WDFY3: variants seen among roughly 807,000 people sequenced by gnomAD.
The protein encoded by WDFY3 is WD repeat and FYVE domain-containing protein 3.
A neutral mutation model predicts 409.6 loss-of-function variants in WDFY3; 66 were observed. The observed-to-expected ratio is 0.16, with a 90% CI of 0.13 to 0.20. The LOEUF is 0.20. Among genes scored for constraint, WDFY3 ranks in the 10% least tolerant of loss-of-function variants. The probability of loss-of-function intolerance (pLI) is 1.00; values close to 1 mark genes in which losing one functional copy is unlikely to be tolerated. For synonymous variants in WDFY3, 1,521 were observed against 1,537.1 expected, an observed-to-expected ratio of 0.99 and a Z score of 0.25; for missense variants, 3,031 against 4,298.1, an observed-to-expected ratio of 0.71 and a Z score of 8.24.
intron 2 of WDFY3, among the ~76,000 whole-genome samples, chr4:84,914,525 A>T (rs1340326893): frequency 6.6e-6 from 1 of 152,226 alleles, no homozygotes; most frequent in African/African-American, 2.4e-5. Context: ...GGGCACTGGC[A>T]TCCCTAAGCC....
At chr4:84,844,574 A>C in intron 5 of WDFY3, 2 of 1,235,636 alleles carry the variant, frequency 1.6e-6, no homozygotes, top group East Asian at 5.6e-5. Context: ...ATCCCACCAC[A>C]AGAGTACTGG....
At chr4:84,860,687 T>C (rs960032716) in intron 3 of WDFY3, 65 bp from the exon 4 acceptor site, 2 of 1,285,898 alleles carry the variant, frequency 1.6e-6, no homozygotes, top group Non-Finnish European at 1.0e-6. Flanking sequence ...CAAGCATGCA[T>C]GTAAGAGCTT....
intron 1 of WDFY3, among the ~76,000 whole-genome samples, chr4:84,934,956 G>A (rs79342541): frequency 0.013 from 1,933 of 152,076 alleles, 52 homozygotes; most frequent in African/African-American, 0.043. Context: ...CTATCAAAAC[G>A]GTATCAAAAT....
At chr4:84,850,978 G>GTTTTTTTTTTTTTTTTTT (rs1758926024) in intron 4 of WDFY3, among the ~76,000 whole-genome samples, 1 of 24,150 alleles carries the variant, frequency 4.1e-5, no homozygotes, top group Non-Finnish European at 7.4e-5. Context: ...TTGAGAACTG[G>GTTTTTTTTTTTTTTTTTT]TTCTTGCTAT....
At chr4:84,832,002 G>A (rs993527831) in intron 7 of WDFY3, among the ~76,000 whole-genome samples, 17 of 152,002 alleles carry the variant, frequency 1.1e-4, no homozygotes, top group Non-Finnish European at 1.5e-4. Flanking sequence ...TATATCCAAA[G>A]GAAATGAAAT....
intron 38 of WDFY3, 57 bp downstream of exon 38, chr4:84,741,704 C>T: frequency 6.8e-7 from 1 of 1,472,620 alleles, no homozygotes; most frequent in African/African-American, 1.4e-5. Flanking sequence ...ACAATTTTGA[C>T]ACCATAGGCA....
At chr4:84,806,975 T>A (rs992462350) in intron 15 of WDFY3, among the ~76,000 whole-genome samples, 5 of 152,196 alleles carry the variant, frequency 3.3e-5, no homozygotes, top group Non-Finnish European at 7.3e-5. Flanking sequence ...TGGTTAATAC[T>A]TAAAAAGGAC....
In WDFY3 at chr4:84,810,152, C is replaced by T; in HGVS notation, c.2080G>A (p.Ala694Thr). 6.2e-7 allele frequency: 1 copy of T among 1,614,158 alleles called. No homozygotes were observed. The highest frequency in any genetic ancestry group is 1.1e-5 in the South Asian group (1 of 91,090). ...TTGGCTGGCTCATAGCGCATTGCTG[C>T]AGTCAACGTGCAGAACACAGTGTGA... ...LLHTVFCTLT[A>T]AMRYEPANSH... The change falls in exon 14 of 68, where the codon GCA (alanine) becomes ACA (threonine). Residue 694 changes from alanine to threonine, a missense_variant. Ala to Thr is a moderately conservative substitution (Grantham distance 58, BLOSUM62 0). Around this residue, in one of 16 missense-constraint regions of WDFY3, gnomAD observed 1,322 missense variants for 1,697.9 expected, o/e 0.78. Coordinates refer to ENST00000295888, the MANE Select transcript of WDFY3 (RefSeq NM_014991.6).
intron 36 of WDFY3, among the ~76,000 whole-genome samples, chr4:84,747,051 G>C (rs1190365667): frequency 6.6e-6 from 1 of 152,150 alleles, no homozygotes; most frequent in African/African-American, 2.4e-5. Flanking sequence ...GATAAGACTG[G>C]TTGGCCCACC....
At chr4:84,919,560 G>A (rs1483983278) in intron 2 of WDFY3, among the ~76,000 whole-genome samples, 1 of 152,146 alleles carries the variant, frequency 6.6e-6, no homozygotes, top group Admixed American at 6.5e-5. Flanking sequence ...TGTCATGGGA[G>A]GGACCTGGTG....
intron 30 of WDFY3, among the ~76,000 whole-genome samples, chr4:84,768,844 T>C (rs1336369224): frequency 1.3e-5 from 2 of 152,346 alleles, no homozygotes; most frequent in Non-Finnish European, 2.9e-5. Context: ...TGGTGATTTA[T>C]CTGATGGATC....
intron 55 of WDFY3, 81 bp from the exon 56 acceptor site, chr4:84,702,587 T>A: frequency 7.9e-7 from 1 of 1,265,102 alleles, no homozygotes; most frequent in Non-Finnish European, 1.0e-6. Flanking sequence ...GCTTGAAAAC[T>A]CCAACTATAG....
chr4:84,914,269 A>C lies in WDFY3; in HGVS notation c.-131-17259T>G, dbSNP rs962789941. On this transcript the variant is annotated intron_variant, in intron 2 of 67. Coordinates refer to ENST00000295888, the MANE Select transcript of WDFY3 (RefSeq NM_014991.6). ...ACCCCGTCTCTACTAAAAATACAAA[A>C]AATTAGCTGGGCGTGGTGGCAGGTG... is the stretch of plus-strand genomic sequence containing the variant. 2.0e-5 allele frequency among the ~76,000 whole-genome samples: 3 copies of C among 152,024 alleles called. 1 individual carries two copies. In the South Asian group the frequency reaches 6.2e-4, roughly 31 times the overall value.
At chr4:84,860,819 T>C (rs549261415) in intron 3 of WDFY3, among the ~76,000 whole-genome samples, 197 bp from the exon 4 acceptor site, 1 of 152,220 alleles carries the variant, frequency 6.6e-6, no homozygotes, top group Admixed American at 6.5e-5. Context: ...AATCTCAGCA[T>C]TGGAAGTTCT....
At chr4:84,698,065 G>A (rs894669284) in intron 56 of WDFY3, among the ~76,000 whole-genome samples, 1 of 152,032 alleles carries the variant, frequency 6.6e-6, no homozygotes, top group Non-Finnish European at 1.5e-5. Flanking sequence ...GCTGTCTGTT[G>A]AATCTCCCTG....
rs1467574535 is a variant in WDFY3, at chr4:84,677,520, C to A, written c.10260-124G>T. On this transcript the variant is annotated intron_variant, in intron 66 of 67. Transcript: ENST00000295888. ...GGGCTGGTAAGGGTCCTGGAGAGAC[C>A]CCTTGATTCACTCAGAGATGTATGT... 7 of 832,938 alleles carry A rather than the reference C, an allele frequency of 8.4e-6. No individual in the cohort carries two copies. In the Admixed American group the frequency reaches 1.9e-4, roughly 23 times the overall value. 51.6% of individuals were successfully genotyped at this position (832,938 alleles called of 1,614,324 possible).
intron 18 of WDFY3, 116 bp downstream of exon 18, chr4:84,797,880 A>G (rs1354435280): frequency 2.6e-5 from 26 of 987,770 alleles, no homozygotes; most frequent in Non-Finnish European, 3.6e-5. Context: ...CTGTTTCCCT[A>G]TTTAAATAAT....
At chr4:84,875,071 C>T (rs1560978623) in intron 3 of WDFY3, among the ~76,000 whole-genome samples, 1 of 152,004 alleles carries the variant, frequency 6.6e-6, no homozygotes, top group Non-Finnish European at 1.5e-5. Flanking sequence ...AATTTGAGAC[C>T]AGCCTGGCCA....
chr4:84,949,013 C>T (rs1025946928), intron 1 of WDFY3, among the ~76,000 whole-genome samples: 1 of 152,102 alleles, frequency 6.6e-6, no homozygotes, highest in Non-Finnish European at 1.5e-5. Flanking sequence ...TGGCTGTTTA[C>T]CCCTGGCACG....
Sources: gnomAD v4.1 joint callset for allele counts (sites outside exome capture counted in the v4.1 genomes callset) on GRCh38, gnomAD v4.1.1 for gene constraint, gnomAD v4.1.1 regional missense constraint, MANE v1.5 for transcripts, NCBI Gene and HGNC (gene_info 2026-07-23, HGNC 2026-07-21) for gene names.